CNTRL: variants seen among roughly 807,000 people sequenced by gnomAD.
CNTRL encodes the protein centriolin.
CNTRL carries 233 observed loss-of-function variants against 303.7 expected under a neutral mutation model. That is an observed-to-expected ratio of 0.77 (90% CI 0.69 to 0.86). CNTRL has a LOEUF of 0.86. Among genes scored for constraint, CNTRL ranks in the 40% least tolerant of loss-of-function variants. The pLI, the probability that CNTRL is intolerant of heterozygous loss-of-function variation, is 0.00. For synonymous variants in CNTRL, 900 were observed against 922.2 expected (o/e 0.98, Z 0.44); for missense variants, 2,524 against 2,650.6 (o/e 0.95, Z 1.05).
At position 121,165,141 on chromosome 9, in the gene CNTRL, C is replaced by T. The variant is rs1305878884; in HGVS notation, c.5581+41C>T. 3 of 1,506,864 alleles carry T rather than the reference C, an allele frequency of 2.0e-6. No homozygotes were observed. The South Asian group carries it at 3.9e-5, about 20-fold the overall frequency. The allele number at this position is 1,506,864 out of a possible 1,614,324, so 93.3% of individuals were successfully genotyped here. A position where few individuals can be genotyped will look rare whatever the true frequency, so the allele number is the denominator to read the frequency against. On this transcript the variant is annotated intron_variant, in intron 35 of 43. Transcript: ENST00000373855. ...ACAGTGAAAGTGTGTGATTTCCTTG[C>T]CCTTCGTTAGATTCTTTGATTTTTC... is the stretch of plus-strand genomic sequence containing the variant.
Position 121,173,469 on chromosome 9 carries a change from C to A in CNTRL, c.6644C>A (p.Pro2215His). Residue 2215 changes from proline to histidine, a missense_variant, in exon 41 of 44, where the codon CCT becomes CAT. Coordinates refer to ENST00000373855, the MANE Select transcript of CNTRL (RefSeq NM_007018.6). ...ENLPFTMNEG[P>H]FEEKLNFSQV... ...CTTCCATTTACCATGAATGAGGGAC[C>A]TTTTGAAGAAAAACTGAACTTTTCC... 6.2e-7 allele frequency: 1 copy of A among 1,613,494 alleles called. No individual in the cohort carries two copies. Among genetic ancestry groups the A allele is most frequent in the Non-Finnish European group, 8.5e-7 (1 of 1,179,932 alleles).
At chr9:121,079,886 T>G (rs963813504) in intron 1 of CNTRL, among the ~76,000 whole-genome samples, 1 of 152,094 alleles carries the variant, frequency 6.6e-6, no homozygotes, top group African/African-American at 2.4e-5. Context: ...TTTTTTGAGA[T>G]GAAGTCTCAC....
In CNTRL at chr9:121,157,635, T is replaced by G. The variant is rs184144780; in HGVS notation, c.4496+35T>G. On this transcript the variant is annotated intron_variant, in intron 28 of 43. Transcript: ENST00000373855. ...TTCCCTAAGCCGTTGATGTATACATTGAGATGAATGAAAAGTTTGCTTCTA... is the reference window on the plus strand; with the variant it reads ...TTCCCTAAGCCGTTGATGTATACATGGAGATGAATGAAAAGTTTGCTTCTA... 2.5e-3 allele frequency: 4,054 copies of G among 1,606,676 alleles called. 175 individuals are homozygous for G. The Admixed American group carries it at 0.066, about 26-fold the overall frequency.
intron 7 of CNTRL, among the ~76,000 whole-genome samples, chr9:121,101,009 A>G (rs893195814): frequency 2.0e-5 from 3 of 152,188 alleles, no homozygotes; most frequent in African/African-American, 7.2e-5. Context: ...CAAGAGAGAA[A>G]GTTAACAAGG....
chr9:121,126,555 T>C (rs1163465340), intron 14 of CNTRL, among the ~76,000 whole-genome samples: 3 of 152,128 alleles, frequency 2.0e-5, no homozygotes. Context: ...AAATCACAAA[T>C]AATATTTAAC....
At chr9:121,108,292 A>G (rs572241711) in intron 8 of CNTRL, among the ~76,000 whole-genome samples, 1 of 152,306 alleles carries the variant, frequency 6.6e-6, no homozygotes, top group East Asian at 1.9e-4. Flanking sequence ...TGGCAAAATT[A>G]TCCAAAATTT....
chr9:121,134,910 T>G (rs2051097879), intron 14 of CNTRL, among the ~76,000 whole-genome samples: 2 of 152,214 alleles, frequency 1.3e-5, no homozygotes, highest in African/African-American at 4.8e-5. Flanking sequence ...TTCTTAAAGA[T>G]TTGTAGGAAT....
rs959252107 is a variant in CNTRL at position 121,080,772 on chromosome 9, G to A, written c.-32+294G>A. On this transcript the variant is annotated intron_variant, in intron 2 of 43. Transcript: ENST00000373855. ...TAGTGTAATCTCTCCTTTATATACT[G>A]TATAAGTTCTGTAGGGGAGGAAAGG... is the stretch of plus-strand genomic sequence containing the variant. Among the ~76,000 whole-genome samples, 7 of 152,214 alleles carry A rather than the reference G, an allele frequency of 4.6e-5. No individual in the cohort carries two copies. The East Asian group carries it at 9.7e-4, about 21-fold the overall frequency.
In CNTRL at chr9:121,164,997, G is replaced by A; in HGVS notation, c.5478G>A (p.Lys1826=). 6.2e-7 allele frequency: 1 copy of A among 1,612,340 alleles called. No homozygotes were observed. Among genetic ancestry groups the A allele is most frequent in the Non-Finnish European group, 8.5e-7 (1 of 1,179,464 alleles). The stretch of plus-strand genomic sequence containing the variant: ...AAATGGAGCAATCAAACTTAGAAAA[G>A]TTGGAATTGAATGTCAGAAAACTGC... The part of the protein sequence containing the change: ...NSKMEQSNLE[K]LELNVRKLQQ... Residue 1826 remains lysine (K), a synonymous_variant, in exon 35 of 44, where the codon AAG becomes AAA. Transcript: ENST00000373855.
rs1407020307 is a variant in CNTRL, at chr9:121,107,913, A to G, written c.920A>G (p.Asn307Ser). ...LEEIKNQDKLNKSLKEEAMLQ... is the reference protein window; with the variant it reads ...LEEIKNQDKLSKSLKEEAMLQ... The stretch of plus-strand genomic sequence containing the variant: ...GAAATTAAAAATCAAGATAAATTGA[A>G]TAAATCATTAAAAGAGGAGGCCATG... Residue 307 changes from asparagine (N) to serine (S), a missense_variant, in exon 8 of 44, where the codon AAT becomes AGT. Coordinates refer to ENST00000373855, the MANE Select transcript of CNTRL (RefSeq NM_007018.6). 1.2e-6 allele frequency: 2 copies of G among 1,611,146 alleles called. No individual in the cohort carries two copies. Among genetic ancestry groups the G allele is most frequent in the East Asian group, 2.2e-5 (1 of 44,754 alleles).
At position 121,090,288 on chromosome 9, in the gene CNTRL, T is replaced by A. The variant is rs760023372; in HGVS notation, c.231T>A (p.His77Gln). 2 of 1,603,206 alleles carry A rather than the reference T, an allele frequency of 1.2e-6. No homozygotes were observed. Among genetic ancestry groups the A allele is most frequent in the East Asian group, 4.5e-5 (2 of 44,420 alleles). ...CTATAATTTCAGGAGCTGATTCACA[T>A]GCAGGAGTTAGATATATTACAGAGG... is the stretch of plus-strand genomic sequence containing the variant. ...DYQDHKGADS[H>Q]AGVRYITEAL... Residue 77 changes from histidine (H) to glutamine (Q), a missense_variant, in exon 4 of 44, where the codon CAT becomes CAA. Coordinates refer to ENST00000373855, the MANE Select transcript of CNTRL (RefSeq NM_007018.6).
At chr9:121,128,937 A>G (rs917412845) in intron 14 of CNTRL, among the ~76,000 whole-genome samples, 4 of 152,218 alleles carry the variant, frequency 2.6e-5, no homozygotes, top group Admixed American at 1.3e-4. Context: ...GTCAAAGATC[A>G]GATGGTTGTA....
At chr9:121,152,863 CA>C (rs2052357609) in intron 26 of CNTRL, among the ~76,000 whole-genome samples, 170 bp downstream of exon 26, 1 of 152,156 alleles carries the variant, frequency 6.6e-6, no homozygotes, top group Non-Finnish European at 1.5e-5. Context: ...AGCTGAGGAA[CA>C]GAATTTAATT....
chr9:121,155,005 A>C (rs2052490699), intron 27 of CNTRL, 92 bp downstream of exon 27: 1 of 1,141,012 alleles, frequency 8.8e-7, no homozygotes, highest in African/African-American at 1.5e-5. Flanking sequence ...GTGTGTGATA[A>C]GAGGACAGTT....
intron 14 of CNTRL, among the ~76,000 whole-genome samples, chr9:121,128,759 A>G (rs1195321466): frequency 6.6e-6 from 1 of 152,070 alleles, no homozygotes; most frequent in African/African-American, 2.4e-5. Context: ...TTCTTCTAGG[A>G]TTTTTATGGT....
intron 13 of CNTRL, among the ~76,000 whole-genome samples, chr9:121,124,964 G>C (rs1326664402): frequency 1.3e-5 from 2 of 149,946 alleles, no homozygotes; most frequent in Non-Finnish European, 3.0e-5. Context: ...AAAAAAGAGA[G>C]AGATAGTGTT....
Position 121,094,903 on chromosome 9 carries a change from GA to G in CNTRL, c.369del (p.Lys123AsnfsTer8). The G allele has an allele frequency of 1.3e-6, 2 of 1,572,056 alleles. No individual in the cohort carries two copies. The highest frequency in any genetic ancestry group is 1.7e-6 in the Non-Finnish European group (2 of 1,153,442). On this transcript the variant is annotated frameshift_variant, in exon 5 of 44. Coordinates refer to ENST00000373855, the MANE Select transcript of CNTRL (RefSeq NM_007018.6). LOFTEE classifies it high-confidence loss of function. ...GKKFKYIENL[E>X]KCVKLEVLNL... is the part of the protein sequence containing the mutation. ...TTCCAATTAGTATATTGAGAATTTG[GA>G]AAAATGTGTTAAACTTGAAGTACTG...
intron 14 of CNTRL, among the ~76,000 whole-genome samples, chr9:121,131,808 G>C (rs1243819502): frequency 6.6e-6 from 1 of 152,196 alleles, no homozygotes; most frequent in Non-Finnish European, 1.5e-5. Context: ...TCCTTCAGGA[G>C]CTCTTGTAAG....
rs2052334128 is a variant in CNTRL at position 121,152,511 on chromosome 9, CAT to C, written c.3992_3993del (p.Ile1331AsnfsTer31). 8.7e-6 allele frequency: 14 copies of C among 1,613,790 alleles called. No homozygotes were observed. Among genetic ancestry groups the C allele is most frequent in the Non-Finnish European group, 1.1e-5 (13 of 1,179,922 alleles). On this transcript the variant is annotated frameshift_variant, in exon 26 of 44. Transcript: ENST00000373855. LOFTEE classifies it high-confidence loss of function. ...LENEVSRLED[I>X]MQHLKSKKRE... ...AGAATGAAGTTTCTAGATTAGAAGA[CAT>C]AATGCAGCATTTAAAATCAAAGAAG...
Sources: allele counts gnomAD v4.1 joint callset (sites outside exome capture counted in the v4.1 genomes callset), GRCh38; gene constraint gnomAD v4.1.1; transcripts MANE v1.5; gene names NCBI Gene and HGNC (gene_info 2026-07-23, HGNC 2026-07-21).